Variants in CACNB4 observed in about 807,000 individuals in gnomAD.
The protein encoded by CACNB4 is calcium voltage-gated channel auxiliary subunit beta 4.
Under a neutral mutation model 71.2 loss-of-function variants are expected in CACNB4, and 32 were observed. That is an observed-to-expected ratio of 0.45 (90% CI 0.34 to 0.60). The LOEUF is 0.60. Among genes scored for constraint, CACNB4 ranks in the 20% least tolerant of loss-of-function variants. CACNB4 has a pLI of 0.01. For missense variants in CACNB4, 464 were observed against 647.9 expected (o/e 0.72, Z 3.08); for synonymous variants, 231 against 236.9 (o/e 0.97, Z 0.23).
chr2:151,971,372 G>A, intron 2 of CACNB4: 1 of 625,856 alleles, frequency 1.6e-6, no homozygotes, highest in East Asian at 2.7e-5. Flanking sequence ...AGAACGGTAG[G>A]ACATATGCGG....
intron 2 of CACNB4, among the ~76,000 whole-genome samples, chr2:152,011,057 A>T (rs1180715292): frequency 4.6e-5 from 7 of 152,222 alleles, no homozygotes; most frequent in Admixed American, 4.6e-4. Flanking sequence ...GAAGAAAATC[A>T]AAACTAGAGG....
chr2:151,978,935 C>T (rs1032784214), intron 2 of CACNB4, among the ~76,000 whole-genome samples: 1 of 152,096 alleles, frequency 6.6e-6, no homozygotes, highest in East Asian at 1.9e-4. Context: ...CTTGCCCAGA[C>T]CTCCTCCACC....
intron 2 of CACNB4, among the ~76,000 whole-genome samples, chr2:151,995,122 C>A (rs114543950): frequency 2.4e-4 from 36 of 152,238 alleles, no homozygotes; most frequent in African/African-American, 8.2e-4. Context: ...ACTCAGTTGG[C>A]AAATATAAGT....
At chr2:151,860,681 T>C in intron 10 of CACNB4, 30 bp downstream of exon 10, 3 of 1,435,256 alleles carry the variant, frequency 2.1e-6, no homozygotes, top group Non-Finnish European at 3.0e-6. Flanking sequence ...TAAGCACAGC[T>C]TGAAGAAGTA....
intron 2 of CACNB4, among the ~76,000 whole-genome samples, chr2:151,961,386 T>C (rs2099869607): frequency 6.6e-6 from 1 of 152,256 alleles, no homozygotes; most frequent in Admixed American, 6.5e-5. Flanking sequence ...TCCACAAAAC[T>C]AACATTTAAA....
At chr2:151,976,166 C>G (rs921852996) in intron 2 of CACNB4, among the ~76,000 whole-genome samples, 1 of 152,234 alleles carries the variant, frequency 6.6e-6, no homozygotes, top group Non-Finnish European at 1.5e-5. Flanking sequence ...CTGCACCCAA[C>G]CCCTCTAACT....
rs34386074 is a variant in CACNB4, at chr2:151,910,546, T to G, written c.148-27176A>C. 3.1e-3 allele frequency among the ~76,000 whole-genome samples: 471 copies of G among 152,362 alleles called. 2 individuals are homozygous for G. The highest frequency in any genetic ancestry group is 4.8e-3 in the Non-Finnish European group (329 of 68,038). Reference sequence around the variant, plus strand: ...GGCTAGCTAGTTTTCCCAGCACCACTTACTGAATAGGAGATCCTTTCCCCA... The same window carrying G: ...GGCTAGCTAGTTTTCCCAGCACCACGTACTGAATAGGAGATCCTTTCCCCA... On this transcript the variant is annotated intron_variant, in intron 2 of 13. Coordinates refer to ENST00000539935, the MANE Select transcript of CACNB4 (RefSeq NM_000726.5).
At chr2:151,853,719 T>C in intron 11 of CACNB4, 176 bp from the exon 12 acceptor site, 1 of 493,364 alleles carries the variant, frequency 2.0e-6, no homozygotes, top group Non-Finnish European at 3.5e-6. Flanking sequence ...GGCTCTCAGT[T>C]CCATGGATTT....
At chr2:152,001,576 G>A (rs1682417453) in intron 2 of CACNB4, among the ~76,000 whole-genome samples, 1 of 150,130 alleles carries the variant, frequency 6.7e-6, no homozygotes, top group South Asian at 2.1e-4. Context: ...AGCCGGGCAT[G>A]GTGGCACATG....
chr2:152,087,240 T>TC (rs953395061), intron 2 of CACNB4, among the ~76,000 whole-genome samples: 2 of 151,600 alleles, frequency 1.3e-5, no homozygotes, highest in Non-Finnish European at 2.9e-5. Flanking sequence ...CCTGGTGGTT[T>TC]CATCAACATG....
chr2:151,896,500 C>G (rs562224934), intron 2 of CACNB4, among the ~76,000 whole-genome samples: 6 of 152,324 alleles, frequency 3.9e-5, no homozygotes, highest in African/African-American at 1.4e-4. Flanking sequence ...CTACTCCTTA[C>G]AGCACTGCTT....
intron 5 of CACNB4, chr2:151,873,747 G>C (rs776295010): frequency 1.3e-5 from 2 of 152,198 alleles, no homozygotes; most frequent in African/African-American, 2.4e-5. Context: ...AGGAACACAT[G>C]CTCCCCATGT....
intron 2 of CACNB4, among the ~76,000 whole-genome samples, chr2:152,018,664 G>A (rs191747876): frequency 7.9e-5 from 12 of 152,104 alleles, no homozygotes; most frequent in Non-Finnish European, 1.3e-4. Flanking sequence ...TTATCTGAGC[G>A]TGGTGGCAAG....
intron 2 of CACNB4, among the ~76,000 whole-genome samples, chr2:151,945,080 T>C (rs2099865238): frequency 6.6e-6 from 1 of 152,232 alleles, no homozygotes; most frequent in Admixed American, 6.5e-5. Flanking sequence ...TCAGTAGAAC[T>C]TCCAGTAAAT....
chr2:151,883,241 A>T lies in CACNB4; in HGVS notation c.267+10T>A. The T allele has an allele frequency of 1.2e-6, 2 of 1,613,844 alleles. No homozygotes were observed. ...CCACTTTTGAGCCAAAGAGAAGGAA[A>T]GAGACTCACCTTTGCTCTCTCAAGC... On this transcript the variant is annotated intron_variant, in intron 3 of 13. Transcript: ENST00000539935.
intron 2 of CACNB4, among the ~76,000 whole-genome samples, chr2:151,964,760 T>A (rs1390121982): frequency 6.6e-6 from 1 of 152,182 alleles, no homozygotes; most frequent in Non-Finnish European, 1.5e-5. Flanking sequence ...GCATTATGTT[T>A]TACGTACCAA....
intron 2 of CACNB4, among the ~76,000 whole-genome samples, chr2:151,906,673 C>T (rs893298596): frequency 1.4e-4 from 21 of 152,170 alleles, no homozygotes; most frequent in African/African-American, 4.6e-4. Flanking sequence ...ACAGTCTTGT[C>T]CAGCAACAGA....
chr2:151,969,652 T>C lies in CACNB4; in HGVS notation c.148-86282A>G, dbSNP rs2099872007. On this transcript the variant is annotated intron_variant, in intron 2 of 13. Coordinates refer to ENST00000539935, the MANE Select transcript of CACNB4 (RefSeq NM_000726.5). ...AAGGTACCAGGGTGAACAGTACGCATGCATGCAGAGGTGCACAGACATTGA... is the reference window on the plus strand; with the variant it reads ...AAGGTACCAGGGTGAACAGTACGCACGCATGCAGAGGTGCACAGACATTGA... 4 of 152,204 alleles carry C rather than the reference T, an allele frequency of 2.6e-5. No individual in the cohort carries two copies. The South Asian group carries it at 8.3e-4, about 31-fold the overall frequency. The allele number at this position is 152,204 out of a possible 1,614,324, so 9.4% of individuals were successfully genotyped here.
chr2:152,045,582 GA>G (rs1401783314), intron 2 of CACNB4, among the ~76,000 whole-genome samples: 2 of 150,248 alleles, frequency 1.3e-5, no homozygotes, highest in Non-Finnish European at 3.0e-5. Context: ...TAAAAATGGT[GA>G]AAATGGTAAA....
Sources: allele counts gnomAD v4.1 joint callset (sites outside exome capture counted in the v4.1 genomes callset), GRCh38; gene constraint gnomAD v4.1.1; transcripts MANE v1.5; gene names NCBI Gene and HGNC (gene_info 2026-07-23, HGNC 2026-07-21).